The following EXOC6B variants were observed in gnomAD, a reference collection of about 807,000 sequenced individuals.
EXOC6B encodes exocyst complex component 6B.
Under a neutral mutation model 113.5 loss-of-function variants are expected in EXOC6B, and 54 were observed. The ratio of observed to expected loss-of-function variants is 0.48; its 90% CI spans 0.38 to 0.60. EXOC6B has a LOEUF of 0.60. EXOC6B is among the 20% of genes least tolerant of loss of function. EXOC6B has a pLI of 0.00. For synonymous variants in EXOC6B, 357 were observed against 339.0 expected (o/e 1.05, Z -0.58); for missense variants, 797 against 977.5 (o/e 0.82, Z 2.46).
intron 18 of EXOC6B, chr2:72,461,894 T>C (rs746333335): frequency 1.3e-5 from 2 of 152,066 alleles, no homozygotes; most frequent in Non-Finnish European, 2.9e-5. Context: ...TAGTCAAAAA[T>C]ATCACACAAG....
rs371431731 is a variant in EXOC6B, at chr2:72,687,847, G to A, written c.669+30256C>T. Among the ~76,000 whole-genome samples, 23 of 152,270 alleles carry A rather than the reference G, an allele frequency of 1.5e-4. 2 individuals are homozygous for A. Among genetic ancestry groups the A allele is most frequent in the African/African-American group, 4.6e-4 (19 of 41,552 alleles). On this transcript the variant is annotated intron_variant, in intron 6 of 21. Coordinates refer to ENST00000272427, the MANE Select transcript of EXOC6B (RefSeq NM_015189.3). The stretch of plus-strand genomic sequence containing the variant: ...CTGGCACAGCTATCACAATTGAGGA[G>A]AAGGACACTATTCTGAAAACAGGGG...
At chr2:72,584,152 T>G (rs1454394916) in intron 6 of EXOC6B, among the ~76,000 whole-genome samples, 2 of 152,126 alleles carry the variant, frequency 1.3e-5, no homozygotes, top group East Asian at 1.9e-4. Flanking sequence ...AGCTAACAAT[T>G]TCAATATTAA....
intron 19 of EXOC6B, among the ~76,000 whole-genome samples, chr2:72,371,091 G>A (rs141599533): frequency 3.1e-3 from 468 of 151,914 alleles, no homozygotes; most frequent in Admixed American, 7.8e-3. Context: ...TCTGTCATGT[G>A]TCTTGGATAC....
intron 20 of EXOC6B, among the ~76,000 whole-genome samples, chr2:72,218,508 T>C (rs1680672727): frequency 1.3e-5 from 2 of 152,202 alleles, no homozygotes; most frequent in African/African-American, 4.8e-5. Flanking sequence ...TTAACCTGAT[T>C]AGTAATGATT....
At chr2:72,401,463 T>TA (rs1197009269) in intron 18 of EXOC6B, among the ~76,000 whole-genome samples, 88 of 118,746 alleles carry the variant, frequency 7.4e-4, no homozygotes, top group African/African-American at 2.2e-3. Flanking sequence ...ACTCCGTATT[T>TA]AAAAAAAAAA....
At chr2:72,283,054 CTT>C (rs1053991522) in intron 20 of EXOC6B, among the ~76,000 whole-genome samples, 10 of 152,084 alleles carry the variant, frequency 6.6e-5, no homozygotes, top group Non-Finnish European at 1.0e-4. Context: ...GATTAACAAA[CTT>C]GATTTAATTG....
At chr2:72,695,701 C>G (rs924835033) in intron 6 of EXOC6B, among the ~76,000 whole-genome samples, 2 of 152,050 alleles carry the variant, frequency 1.3e-5, no homozygotes, top group Non-Finnish European at 2.9e-5. Flanking sequence ...CCTAAAATGC[C>G]TATTCTAAAA....
chr2:72,536,852 T>C (rs940963057), intron 8 of EXOC6B, among the ~76,000 whole-genome samples: 12 of 152,214 alleles, frequency 7.9e-5, no homozygotes, highest in Non-Finnish European at 1.8e-4. Context: ...TTTGAGATCA[T>C]TGATTTTACA....
intron 20 of EXOC6B, among the ~76,000 whole-genome samples, chr2:72,249,963 C>T (rs1256869932): frequency 6.6e-6 from 1 of 152,184 alleles, no homozygotes; most frequent in Non-Finnish European, 1.5e-5. Context: ...TCCTGATTTA[C>T]TCATTAGAAT....
intron 20 of EXOC6B, among the ~76,000 whole-genome samples, chr2:72,266,266 C>A (rs917200553): frequency 2.0e-5 from 3 of 150,230 alleles, no homozygotes; most frequent in Non-Finnish European, 4.5e-5. Flanking sequence ...TAATGAGATC[C>A]CATTTGTCAA....
chr2:72,472,488 C>G (rs114988786), intron 17 of EXOC6B, among the ~76,000 whole-genome samples: 3,250 of 152,146 alleles, frequency 0.021, 137 homozygotes, highest in African/African-American at 0.073. Context: ...CCACTGGTTA[C>G]CATATATTTG....
intron 20 of EXOC6B, among the ~76,000 whole-genome samples, chr2:72,320,229 T>TAAATATATATGTA (rs1433155229): frequency 6.7e-6 from 1 of 149,888 alleles, no homozygotes; most frequent in Non-Finnish European, 1.5e-5. Context: ...ACATATACAG[T>TAAATATATATGTA]TTTACATATT....
At chr2:72,458,944 A>G (rs1374700722) in intron 18 of EXOC6B, among the ~76,000 whole-genome samples, 1 of 152,130 alleles carries the variant, frequency 6.6e-6, no homozygotes. Context: ...GGTGGAAAAC[A>G]ATTATTCTAA....
intron 20 of EXOC6B, among the ~76,000 whole-genome samples, chr2:72,291,752 T>C (rs1049722157): frequency 1.3e-5 from 2 of 152,166 alleles, no homozygotes; most frequent in African/African-American, 4.8e-5. Context: ...GTGAATGAGG[T>C]AAAGACAAGG....
Position 72,513,174 on chromosome 2 carries a change from T to G in EXOC6B, c.1125A>C (p.Glu375Asp), listed in dbSNP as rs76275893. The G allele has an allele frequency of 2.0e-3, 3,291 of 1,613,370 alleles. 60 individuals are homozygous for G. The African/African-American group carries it at 0.036, about 18-fold the overall frequency. Residue 375 changes from glutamate (E) to aspartate (D), a missense_variant, in exon 11 of 22, where the codon GAA becomes GAC. Physicochemically the swap from Glu to Asp is conservative, Grantham distance 45 (BLOSUM62 2). Transcript: ENST00000272427. ...VNRAYIDELW[E>D]MALSKTIAAL... ...CTGCGATGGTTTTTGAAAGTGCCAT[T>G]TCCCACAGTTCATCAATGTAGGCTC...
At chr2:72,355,024 T>C (rs1001387679) in intron 19 of EXOC6B, among the ~76,000 whole-genome samples, 2 of 152,198 alleles carry the variant, frequency 1.3e-5, no homozygotes, top group Admixed American at 6.5e-5. Context: ...AGCTTTTACA[T>C]AAATTGACTG....
intron 1 of EXOC6B, among the ~76,000 whole-genome samples, chr2:72,805,776 T>A (rs972286531): frequency 6.6e-6 from 1 of 152,138 alleles, no homozygotes; most frequent in Non-Finnish European, 1.5e-5. Flanking sequence ...GACCAGTATC[T>A]CCCCATTCTG....
chr2:72,645,135 C>T (rs1673602850), intron 6 of EXOC6B, among the ~76,000 whole-genome samples: 1 of 152,078 alleles, frequency 6.6e-6, no homozygotes, highest in Non-Finnish European at 1.5e-5. Flanking sequence ...GTGGGGGTTG[C>T]AATCCTAGTC....
intron 17 of EXOC6B, among the ~76,000 whole-genome samples, chr2:72,468,150 C>G (rs1698171925): frequency 6.6e-6 from 1 of 151,940 alleles, no homozygotes. Context: ...TTGATATAAT[C>G]AATCTGATTT....
Sources: gnomAD v4.1 joint callset for allele counts (sites outside exome capture counted in the v4.1 genomes callset) on GRCh38, gnomAD v4.1.1 for gene constraint, MANE v1.5 for transcripts, NCBI Gene and HGNC (gene_info 2026-07-23, HGNC 2026-07-21) for gene names.